The following SHROOM3 variants were observed in gnomAD, a reference collection of about 807,000 sequenced individuals.
SHROOM3 encodes the protein shroom family member 3, also known as protein Shroom3.
Under a neutral mutation model 138.6 loss-of-function variants are expected in SHROOM3, and 47 were observed. The observed-to-expected ratio is 0.34, with a 90% CI of 0.27 to 0.43. SHROOM3 has a LOEUF of 0.43. Ranked by LOEUF, SHROOM3 falls within the 20% of genes least tolerant of loss-of-function variation. The pLI, the probability that SHROOM3 is intolerant of heterozygous loss-of-function variation, is 1.00. For synonymous variants in SHROOM3, 1,062 were observed against 1,063.3 expected, an observed-to-expected ratio of 1.00 and a Z score of 0.02; for missense variants, 2,491 against 2,596.5, an observed-to-expected ratio of 0.96 and a Z score of 0.88.
At chr4:76,769,887 C>T (rs1722291882) in intron 9 of SHROOM3, among the ~76,000 whole-genome samples, 1 of 152,228 alleles carries the variant, frequency 6.6e-6, no homozygotes, top group Non-Finnish European at 1.5e-5. Context: ...TTCAACTCAG[C>T]TCTAAGACCT....
chr4:76,564,524 A>G (rs1386609022), intron 2 of SHROOM3, among the ~76,000 whole-genome samples: 1 of 152,118 alleles, frequency 6.6e-6, no homozygotes, highest in African/African-American at 2.4e-5. Context: ...TTATTTCCTA[A>G]CCAGTTGTTC....
chr4:76,748,832 T>TC (rs1313023008), intron 5 of SHROOM3, among the ~76,000 whole-genome samples, 185 bp from the exon 6 acceptor site: 1 of 150,700 alleles, frequency 6.6e-6, no homozygotes, highest in African/African-American at 2.4e-5. Context: ...TTTTTTTTTT[T>TC]TTTTTAAATC....
At chr4:76,749,176 T>TG in intron 6 of SHROOM3, 86 bp downstream of exon 6, 1 of 1,282,184 alleles carries the variant, frequency 7.8e-7, no homozygotes, top group Admixed American at 1.7e-5. Flanking sequence ...GAAATTGAAA[T>TG]GTGATGTCAT....
At chr4:76,485,507 A>T (rs1250479385) in intron 1 of SHROOM3, among the ~76,000 whole-genome samples, 1 of 152,162 alleles carries the variant, frequency 6.6e-6, no homozygotes, top group Non-Finnish European at 1.5e-5. Flanking sequence ...CTCTTTGTAG[A>T]AGCTTTGATC....
intron 3 of SHROOM3, among the ~76,000 whole-genome samples, chr4:76,712,759 A>T (rs1720268401): frequency 6.6e-6 from 1 of 152,222 alleles, no homozygotes; most frequent in Non-Finnish European, 1.5e-5. Flanking sequence ...GTATTGCTTA[A>T]TGACAGGGAT....
intron 3 of SHROOM3, among the ~76,000 whole-genome samples, chr4:76,723,985 G>A (rs762889338): frequency 6.6e-6 from 1 of 152,182 alleles, no homozygotes; most frequent in South Asian, 2.1e-4. Flanking sequence ...ATTTAACAAG[G>A]TTGAAGGCAC....
At chr4:76,483,471 G>A (rs888861019) in intron 1 of SHROOM3, among the ~76,000 whole-genome samples, 1 of 152,182 alleles carries the variant, frequency 6.6e-6, no homozygotes, top group Non-Finnish European at 1.5e-5. Context: ...CAGTTAGAAT[G>A]GTGATCATTA....
chr4:76,551,743 G>C (rs1414423567), intron 1 of SHROOM3, among the ~76,000 whole-genome samples: 1 of 152,044 alleles, frequency 6.6e-6, no homozygotes, highest in African/African-American at 2.4e-5. Flanking sequence ...GAAATTCAGG[G>C]TGTGTAACCA....
At position 76,754,745 on chromosome 4, in the gene SHROOM3, C is replaced by T. The variant is rs776035640; in HGVS notation, c.4262C>T (p.Ser1421Leu). 27 of 1,614,170 alleles carry T rather than the reference C, an allele frequency of 1.7e-5. 1 individual carries two copies. Among genetic ancestry groups the T allele is most frequent in the Middle Eastern group, 1.6e-4 (1 of 6,062 alleles). The stretch of plus-strand genomic sequence containing the variant: ...GAAGAGGGAACGAGGAAGAGGGTCT[C>T]GCTGCCTCAGTGGCCACCTCCTTCT... ...GVEEGTRKRV[S>L]LPQWPPPSRA... is the part of the protein sequence containing the mutation. The change falls in exon 7 of 11, where the codon TCG becomes TTG. Residue 1421 changes from serine to leucine, a missense_variant. Around this residue, in one of 4 missense-constraint regions of SHROOM3, gnomAD observed 1,733 missense variants for 1,661.6 expected, o/e 1.04. Transcript: ENST00000296043.
intron 2 of SHROOM3, among the ~76,000 whole-genome samples, chr4:76,593,693 T>C (rs1289912622): frequency 1.3e-5 from 2 of 152,236 alleles, no homozygotes; most frequent in Non-Finnish European, 2.9e-5. Context: ...TTCTGCTTCA[T>C]CCTTCCAAGA....
intron 2 of SHROOM3, among the ~76,000 whole-genome samples, chr4:76,581,517 A>T (rs1734053667): frequency 6.6e-6 from 1 of 152,192 alleles, no homozygotes; most frequent in African/African-American, 2.4e-5. Flanking sequence ...TTATGATACT[A>T]AGAAGCCTGG....
chr4:76,740,048 C>T lies in SHROOM3; in HGVS notation c.1875C>T (p.Pro625=). 6.2e-7 allele frequency: 1 copy of T among 1,613,852 alleles called. No individual in the cohort carries two copies. Among genetic ancestry groups the T allele is most frequent in the Non-Finnish European group, 8.5e-7 (1 of 1,180,032 alleles). Residue 625 remains proline (P), a synonymous_variant, in exon 5 of 11, where the codon CCC becomes CCT. Transcript: ENST00000296043. This position sits in a 1 kb window ranked among gnomAD's most constrained non-coding sequence, Gnocchi z 4.0. ...EDKRSSRLSE[P]WEGDFQEDHN... ...AGAGATCTTCCAGGCTCTCAGAGCC[C>T]TGGGAGGGCGATTTCCAGGAAGACC...
chr4:76,734,873 A>T (rs1720989371), intron 4 of SHROOM3, among the ~76,000 whole-genome samples: 1 of 152,214 alleles, frequency 6.6e-6, no homozygotes, highest in Admixed American at 6.5e-5. Context: ...GAAGAAAATA[A>T]AGCAGGGTAA....
intron 2 of SHROOM3, among the ~76,000 whole-genome samples, chr4:76,595,646 C>T (rs1734365557): frequency 6.6e-6 from 1 of 152,114 alleles, no homozygotes; most frequent in African/African-American, 2.4e-5. Context: ...ATATCCTTGC[C>T]TACACTAGTA....
intron 2 of SHROOM3, among the ~76,000 whole-genome samples, chr4:76,676,944 C>CAA (rs58270392): frequency 0.017 from 1,290 of 76,810 alleles, no homozygotes; most frequent in Non-Finnish European, 0.021. Context: ...CTCCGTCTCA[C>CAA]AAAAAAAAAA....
chr4:76,545,833 C>A (rs78894044), intron 1 of SHROOM3, among the ~76,000 whole-genome samples: 2 of 152,102 alleles, frequency 1.3e-5, no homozygotes, highest in East Asian at 3.9e-4. Flanking sequence ...GTGCAAATTT[C>A]GCCCAAGATC....
chr4:76,690,451 C>T (rs79035861), intron 2 of SHROOM3, among the ~76,000 whole-genome samples: 3,190 of 152,254 alleles, frequency 0.021, 54 homozygotes, highest in Non-Finnish European at 0.033. Flanking sequence ...AAATGGGTGC[C>T]CTGCATGCGG....
intron 1 of SHROOM3, among the ~76,000 whole-genome samples, chr4:76,442,698 C>A (rs537611570): frequency 4.4e-4 from 67 of 152,174 alleles, no homozygotes; most frequent in African/African-American, 8.4e-4. Context: ...CGTGAGTCAC[C>A]GTGCCCGGCC....
intron 2 of SHROOM3, chr4:76,645,327 G>A (rs1357077518): frequency 3.3e-5 from 5 of 152,090 alleles, no homozygotes; most frequent in South Asian, 4.2e-4. Context: ...TGTTAGCCTC[G>A]AGTTTGACCC....
Sources: allele counts gnomAD v4.1 joint callset (sites outside exome capture counted in the v4.1 genomes callset), GRCh38; gene constraint gnomAD v4.1.1; regional missense constraint gnomAD v4.1.1; non-coding constraint Gnocchi (gnomAD v3.1); transcripts MANE v1.5; gene names NCBI Gene and HGNC (gene_info 2026-07-23, HGNC 2026-07-21).